The following PKNOX1 variants were observed in gnomAD, a reference collection of about 807,000 sequenced individuals.
The protein encoded by PKNOX1 is PBX/knotted 1 homeobox 1, also known as homeobox protein PKNOX1.
In PKNOX1, 15 loss-of-function variants were observed where a neutral mutation model predicts 51.9. The ratio of observed to expected loss-of-function variants is 0.29; its 90% CI spans 0.19 to 0.45. The LOEUF (loss-of-function observed/expected upper bound fraction) is 0.45. Ranked by LOEUF, PKNOX1 falls within the 20% of genes least tolerant of loss-of-function variation. The pLI is 1.00. For synonymous variants in PKNOX1, 219 were observed against 211.1 expected, an observed-to-expected ratio of 1.04 and a Z score of -0.32; for missense variants, 462 against 547.5, an observed-to-expected ratio of 0.84 and a Z score of 1.56.
chr21:42,975,174 C>G (rs575376178), intron 1 of PKNOX1, among the ~76,000 whole-genome samples: 1 of 145,624 alleles, frequency 6.9e-6, no homozygotes. Context: ...TCGCGGAGTC[C>G]TCAGGGCCGG....
At chr21:42,977,439 T>C (rs2059002692) in intron 1 of PKNOX1, among the ~76,000 whole-genome samples, 1 of 152,134 alleles carries the variant, frequency 6.6e-6, no homozygotes. Context: ...TGGTGTTGCT[T>C]TTCTGTTAGG....
At chr21:42,991,865 CTTAT>C (rs1444956398) in intron 1 of PKNOX1, among the ~76,000 whole-genome samples, 1 of 152,080 alleles carries the variant, frequency 6.6e-6, no homozygotes, top group East Asian at 1.9e-4. Context: ...AACATTTTAA[CTTAT>C]TTATTTATTT....
chr21:43,019,222 G>A (rs111421447), intron 7 of PKNOX1, among the ~76,000 whole-genome samples: 22,088 of 150,308 alleles, frequency 0.15, 1,939 homozygotes, highest in African/African-American at 0.24. Flanking sequence ...GTGGAACCCC[G>A]TCTCTACTAA....
chr21:42,991,977 T>A (rs951018263), intron 1 of PKNOX1, among the ~76,000 whole-genome samples: 16 of 152,226 alleles, frequency 1.1e-4, no homozygotes, highest in Non-Finnish European at 2.9e-5. Flanking sequence ...ACCTTTGCTC[T>A]TGCTGGAGAT....
At chr21:43,015,303 T>G (rs1979442892) in intron 5 of PKNOX1, among the ~76,000 whole-genome samples, 1 of 152,226 alleles carries the variant, frequency 6.6e-6, no homozygotes, top group South Asian at 2.1e-4. Context: ...TTTGTTCAAT[T>G]TTGTTAAATG....
intron 5 of PKNOX1, among the ~76,000 whole-genome samples, chr21:43,014,090 C>T (rs1327883317): frequency 1.4e-5 from 2 of 144,970 alleles, no homozygotes; most frequent in African/African-American, 2.6e-5. Context: ...GGCGCGATCT[C>T]GGCTTACTGC....
At chr21:43,009,263 C>T (rs1331821890) in intron 3 of PKNOX1, among the ~76,000 whole-genome samples, 3 of 125,636 alleles carry the variant, frequency 2.4e-5, no homozygotes, top group South Asian at 2.8e-4. Flanking sequence ...TCCTGACCAA[C>T]GTGGAGAAAC....
At chr21:43,019,781 G>A (rs559998613) in intron 7 of PKNOX1, among the ~76,000 whole-genome samples, 332 of 152,182 alleles carry the variant, frequency 2.2e-3, no homozygotes, top group Non-Finnish European at 4.1e-3. Flanking sequence ...GGCTCAAGCA[G>A]TCCGCCTGCC....
At position 43,029,913 on chromosome 21, in the gene PKNOX1, C is replaced by G. The variant is rs771303851; in HGVS notation, c.1123C>G (p.Pro375Ala). ...AGGAGCTGTTGTCACCATCACCACG[C>G]CCGTGAACATGAACGTGGACAGCCT... ...SEGAVVTITT[P>A]VNMNVDSLQS... Residue 375 changes from proline (P) to alanine (A), a missense_variant, in exon 11 of 11, where the codon CCC (proline) becomes GCC (alanine). Physicochemically the swap from Pro to Ala is conservative, Grantham distance 27. Coordinates refer to ENST00000291547, the MANE Select transcript of PKNOX1 (RefSeq NM_004571.5). The G allele has an allele frequency of 6.2e-7, 1 of 1,613,974 alleles. No homozygotes were observed. The highest frequency in any genetic ancestry group is 1.3e-5 in the African/African-American group (1 of 74,942).
intron 8 of PKNOX1, among the ~76,000 whole-genome samples, chr21:43,022,011 A>G (rs1601300889): frequency 6.6e-6 from 1 of 152,114 alleles, no homozygotes; most frequent in East Asian, 1.9e-4. Context: ...GATGGGGGAG[A>G]CCTGCTCTGC....
rs377075244 is a variant in PKNOX1 at position 43,001,469 on chromosome 21, A to G, written c.-56-2857A>G. On this transcript the variant is annotated intron_variant, in intron 1 of 10. Coordinates refer to ENST00000291547, the MANE Select transcript of PKNOX1 (RefSeq NM_004571.5). The stretch of plus-strand genomic sequence containing the variant: ...CTCAGCTGTCCTTGCCGTGGCTGGC[A>G]CTCCCACATCCTTGGTCCTCCTTCT... 5.3e-5 allele frequency among the ~76,000 whole-genome samples: 8 copies of G among 151,806 alleles called. No individual in the cohort carries two copies. The South Asian group carries it at 6.3e-4, about 12-fold the overall frequency.
At chr21:42,999,224 A>G (rs577268199) in intron 1 of PKNOX1, among the ~76,000 whole-genome samples, 51 of 152,306 alleles carry the variant, frequency 3.3e-4, no homozygotes, top group Non-Finnish European at 6.3e-4. Flanking sequence ...GGCCCTTTTC[A>G]GCCACGGCTG....
chr21:42,979,658 C>T lies in PKNOX1; in HGVS notation c.-57+4994C>T, dbSNP rs1601262567. Among the ~76,000 whole-genome samples, 4 of 152,116 alleles carry T rather than the reference C, an allele frequency of 2.6e-5. 1 individual carries two copies. Among genetic ancestry groups the T allele is most frequent in the African/African-American group, 7.2e-5 (3 of 41,418 alleles). On this transcript the variant is annotated intron_variant, in intron 1 of 10. Coordinates refer to ENST00000291547, the MANE Select transcript of PKNOX1 (RefSeq NM_004571.5). ...TTGGGAGGCTAAGGCAGGAGAATGG[C>T]GTGAACCCAGGGGGCGGAGCTTGCA...
chr21:42,981,156 A>G (rs948013263), intron 1 of PKNOX1, among the ~76,000 whole-genome samples: 1 of 152,182 alleles, frequency 6.6e-6, no homozygotes. Flanking sequence ...TCTTGTGTAC[A>G]CTGTTCAGGA....
At chr21:43,014,474 A>C (rs1158074242) in intron 5 of PKNOX1, among the ~76,000 whole-genome samples, 2 of 151,728 alleles carry the variant, frequency 1.3e-5, no homozygotes, top group Non-Finnish European at 3.0e-5. Context: ...TCCTCTTAAC[A>C]GGTCTTTTTC....
At chr21:43,018,070 A>AAAAG (rs1979572216) in intron 6 of PKNOX1, 63 bp from the exon 7 acceptor site, 1 of 808,456 alleles carries the variant, frequency 1.2e-6, no homozygotes, top group African/African-American at 1.8e-5. Context: ...AAAAAAAAAA[A>AAAAG]GAAGAATGGT....
At chr21:42,984,630 T>G (rs1199819073) in intron 1 of PKNOX1, among the ~76,000 whole-genome samples, 1 of 152,330 alleles carries the variant, frequency 6.6e-6, no homozygotes, top group African/African-American at 2.4e-5. Context: ...TTAGGTGATC[T>G]GTCTGCCTTG....
chr21:42,977,751 T>C (rs531692870), intron 1 of PKNOX1, among the ~76,000 whole-genome samples: 6 of 151,952 alleles, frequency 3.9e-5, no homozygotes, highest in African/African-American at 1.4e-4. Context: ...CTCTACTAAA[T>C]GTTAGCTAGG....
intron 9 of PKNOX1, 75 bp downstream of exon 9, chr21:43,025,022 T>C (rs1214720926): frequency 2.3e-6 from 2 of 887,308 alleles, no homozygotes; most frequent in Non-Finnish European, 3.7e-6. Flanking sequence ...CAATACATGG[T>C]GAAATCTTGC....
Sources: gnomAD v4.1 joint callset for allele counts (sites outside exome capture counted in the v4.1 genomes callset) on GRCh38, gnomAD v4.1.1 for gene constraint, MANE v1.5 for transcripts, NCBI Gene and HGNC (gene_info 2026-07-23, HGNC 2026-07-21) for gene names.